The following PRH1 variants were observed in gnomAD, a reference collection of about 807,000 sequenced individuals.
PRH1 encodes proline rich protein HaeIII subfamily 1, also known as salivary acidic proline-rich phosphoprotein 1/2.
Under a neutral mutation model 7.9 loss-of-function variants are expected in PRH1, and 7 were observed. The observed-to-expected ratio is 0.89, with a 90% confidence interval of 0.50 to 1.67. PRH1 has a LOEUF of 1.67. Among genes scored for constraint, PRH1 ranks in the 40% most tolerant of loss-of-function variants. The probability of loss-of-function intolerance (pLI) is 0.00; values close to 1 mark genes in which losing one functional copy is unlikely to be tolerated. For synonymous variants in PRH1, 45 were observed against 80.8 expected (o/e 0.56, Z 2.38); for missense variants, 109 against 223.6 (o/e 0.49, Z 3.27).
chr12:10,932,195 T>G, intron 2 of PRH1: 2 of 431,746 alleles, frequency 4.6e-6, no homozygotes, highest in Non-Finnish European at 9.6e-6. Context: ...CCATGTCAAG[T>G]CTTGCCTATA....
At chr12:11,157,688 A>T (rs947159854) in intron 1 of PRH1, among the ~76,000 whole-genome samples, 2 of 152,220 alleles carry the variant, frequency 1.3e-5, no homozygotes, top group Non-Finnish European at 2.9e-5. Context: ...ATTAAGTTTC[A>T]CATAAGCCTT....
chr12:11,067,643 C>A (rs1319007246), intron 1 of PRH1, among the ~76,000 whole-genome samples: 1 of 152,178 alleles, frequency 6.6e-6, no homozygotes, highest in Non-Finnish European at 1.5e-5. Context: ...AGTTGGATTG[C>A]CTGAGCACAG....
intron 2 of PRH1, among the ~76,000 whole-genome samples, chr12:10,922,666 C>T (rs1227497969): frequency 6.6e-6 from 1 of 151,830 alleles, no homozygotes; most frequent in Non-Finnish European, 1.5e-5. Context: ...ATCATTCTTT[C>T]TTCTGCTTGA....
chr12:11,128,050 G>A (rs180875231), intron 1 of PRH1, among the ~76,000 whole-genome samples: 1 of 144,968 alleles, frequency 6.9e-6, no homozygotes, highest in East Asian at 2.0e-4. Context: ...GGCGGAGCTT[G>A]CAGTGAGCCG....
At chr12:10,973,583 T>G (rs1938935865) in intron 2 of PRH1, 2 of 735,408 alleles carry the variant, frequency 2.7e-6, no homozygotes, top group Non-Finnish European at 5.0e-6. Context: ...ATTTCACCTG[T>G]CTGATACAGG....
At chr12:11,129,583 C>A (rs114771234) in intron 1 of PRH1, among the ~76,000 whole-genome samples, 339 of 15,590 alleles carry the variant, frequency 0.022, no homozygotes, top group African/African-American at 0.025. Context: ...GATGGGTTAT[C>A]GAATGAATGC....
chr12:11,062,152 A>G, intron 1 of PRH1: 1 of 1,613,700 alleles, frequency 6.2e-7, no homozygotes. Flanking sequence ...CAGAGCAGTG[A>G]GAATTTGGTC....
At chr12:11,033,953 T>C (rs1942333079) in intron 1 of PRH1, among the ~76,000 whole-genome samples, 1 of 151,814 alleles carries the variant, frequency 6.6e-6, no homozygotes. Context: ...TCCACCTCCA[T>C]TCCACTTTCC....
chr12:11,053,724 A>G (rs967929388), intron 1 of PRH1, among the ~76,000 whole-genome samples: 1 of 152,272 alleles, frequency 6.6e-6, no homozygotes, highest in African/African-American at 2.4e-5. Context: ...GAAAGGGAGA[A>G]TGTTACTAAA....
At chr12:11,116,274 T>A (rs1945729170), downstream of PRH1, among the ~76,000 whole-genome samples, 1 of 151,884 alleles carries the variant, frequency 6.6e-6, no homozygotes, top group Admixed American at 6.6e-5. Context: ...TGCCAATAAA[T>A]TGAAATCTCT....
chr12:10,922,990 G>A (rs1461442738), intron 2 of PRH1, among the ~76,000 whole-genome samples: 10 of 149,408 alleles, frequency 6.7e-5, no homozygotes, highest in Admixed American at 3.3e-4. Flanking sequence ...CACCGCGCCC[G>A]GCTAATTTTT....
chr12:11,132,300 T>C, intron 1 of PRH1, among the ~76,000 whole-genome samples: 2 of 152,286 alleles, frequency 1.3e-5, no homozygotes. Flanking sequence ...TTCACTGAAT[T>C]ATTTTCCATA....
chr12:11,037,169 A>C (rs1161671569), intron 1 of PRH1, among the ~76,000 whole-genome samples: 1 of 152,196 alleles, frequency 6.6e-6, no homozygotes, highest in Non-Finnish European at 1.5e-5. Context: ...ACTAACATGG[A>C]CAAATAGTCT....
intron 1 of PRH1, chr12:11,030,421 C>T: frequency 6.2e-7 from 1 of 1,613,988 alleles, no homozygotes; most frequent in Non-Finnish European, 8.5e-7. Flanking sequence ...GAGATGAAGG[C>T]TTCTCTCCTT....
At chr12:11,098,304 A>G (rs889693116) in intron 1 of PRH1, among the ~76,000 whole-genome samples, 1 of 151,604 alleles carries the variant, frequency 6.6e-6, no homozygotes, top group African/African-American at 2.4e-5. Flanking sequence ...TGTTGTGACC[A>G]GTGTCAAGCC....
intron 2 of PRH1, chr12:10,938,607 G>A (rs35804287): frequency 0.017 from 26,993 of 1,613,846 alleles, 317 homozygotes; most frequent in Non-Finnish European, 0.018. Context: ...GAGAAGATGA[G>A]GAGAAGAAAC....
At chr12:10,970,300 A>C (rs944185945) in intron 2 of PRH1, among the ~76,000 whole-genome samples, 6 of 152,200 alleles carry the variant, frequency 3.9e-5, no homozygotes, top group Non-Finnish European at 8.8e-5. Flanking sequence ...GAATGGTAAC[A>C]ATATGACTGA....
At chr12:11,169,209 CAATCATGAATACTCT>C (rs1249102368) in intron 1 of PRH1, among the ~76,000 whole-genome samples, 2 of 152,176 alleles carry the variant, frequency 1.3e-5, no homozygotes, top group Non-Finnish European at 2.9e-5. Flanking sequence ...AAGCCATTTC[CAATCATGAATACTCT>C]AATCATGAAT....
At chr12:10,920,948 AT>A (rs1441186731) in intron 2 of PRH1, among the ~76,000 whole-genome samples, 5 of 152,028 alleles carry the variant, frequency 3.3e-5, no homozygotes, top group Non-Finnish European at 7.4e-5. Context: ...TAGATTAAAC[AT>A]TTTTGCAACA....
Sources: allele counts gnomAD v4.1 joint callset (sites outside exome capture counted in the v4.1 genomes callset), GRCh38; gene constraint gnomAD v4.1.1; transcripts MANE v1.5; gene names NCBI Gene and HGNC (gene_info 2026-07-23, HGNC 2026-07-21).